Variants in DYNC1H1 observed in about 807,000 individuals in gnomAD.
DYNC1H1 encodes cytoplasmic dynein 1 heavy chain 1.
DYNC1H1 carries 51 observed loss-of-function variants against 527.1 expected under a neutral mutation model. That is an observed-to-expected ratio of 0.10 (90% CI 0.08 to 0.12). DYNC1H1 has a LOEUF of 0.12. Ranked by LOEUF, DYNC1H1 falls within the 10% of genes least tolerant of loss-of-function variation. The pLI, the probability that DYNC1H1 is intolerant of heterozygous loss-of-function variation, is 1.00. For synonymous variants in DYNC1H1, 2,189 were observed against 2,278.8 expected, an observed-to-expected ratio of 0.96 and a Z score of 1.12; for missense variants, 2,771 against 5,971.8, an observed-to-expected ratio of 0.46 and a Z score of 17.66.
chr14:102,009,716 G>A (rs1231428988), intron 29 of DYNC1H1, 127 bp from the exon 30 acceptor site: 7 of 1,470,430 alleles, frequency 4.8e-6, no homozygotes, highest in East Asian at 2.4e-5. Flanking sequence ...AGCAGCCCCC[G>A]AGGAAGCGTC....
In DYNC1H1 at chr14:102,027,114, G is replaced by A; in HGVS notation, c.8772-60G>A. 1 of 1,550,314 alleles carries A rather than the reference G, an allele frequency of 6.5e-7. No homozygotes were observed. Among genetic ancestry groups the A allele is most frequent in the East Asian group, 2.2e-5 (1 of 44,564 alleles). ...AAAATACTGTAGACACTAGATATGAGTCAAAAGGGGAATGAGGCATTATAA... is the reference window on the plus strand; with the variant it reads ...AAAATACTGTAGACACTAGATATGAATCAAAAGGGGAATGAGGCATTATAA... On this transcript the variant is annotated intron_variant, in intron 44 of 77. Coordinates refer to ENST00000360184, the MANE Select transcript of DYNC1H1 (RefSeq NM_001376.5). This position sits in a 1 kb window ranked among gnomAD's most constrained non-coding sequence, Gnocchi z 7.7.
chr14:101,970,473 GTTTTTTTTTTTT>G (rs958653217), intron 1 of DYNC1H1, among the ~76,000 whole-genome samples: 1 of 81,436 alleles, frequency 1.2e-5, no homozygotes, highest in Non-Finnish European at 2.5e-5. Flanking sequence ...GTTTGTTGTT[GTTTTTTTTTTTT>G]TTTTTTTTTT....
Position 102,047,779 on chromosome 14 carries a change from T to TC in DYNC1H1, c.13007-35dup, listed in dbSNP as rs1171959379. On this transcript the variant is annotated intron_variant, in intron 72 of 77. Coordinates refer to ENST00000360184, the MANE Select transcript of DYNC1H1 (RefSeq NM_001376.5). ...CCTCTGTGATTTCTTGCCCGTCCCC[T>TC]CCCTCCTTCCTGCTGCGACTGTGGG... 4 of 1,610,890 alleles carry TC rather than the reference T, an allele frequency of 2.5e-6. No individual in the cohort carries two copies. In the South Asian group the frequency reaches 4.4e-5, roughly 18 times the overall value.
At position 102,027,583 on chromosome 14, in the gene DYNC1H1, G is replaced by T. The variant is rs118014540; in HGVS notation, c.9049-36G>T. 6.2e-7 allele frequency: 1 copy of T among 1,614,082 alleles called. No individual in the cohort carries two copies. Among genetic ancestry groups the T allele is most frequent in the Admixed American group, 1.7e-5 (1 of 60,000 alleles). Reference sequence around the variant, plus strand: ...GTGTTGCGTTGCATTACGTGTTACCGGGGGACCAGTAAGTCAGCACTGTGC... The same window carrying T: ...GTGTTGCGTTGCATTACGTGTTACCTGGGGACCAGTAAGTCAGCACTGTGC... On this transcript the variant is annotated intron_variant, in intron 46 of 77. Coordinates refer to ENST00000360184, the MANE Select transcript of DYNC1H1 (RefSeq NM_001376.5). This position sits in a 1 kb window ranked among gnomAD's most constrained non-coding sequence, Gnocchi z 7.7.
chr14:101,989,497 A>G (rs1241901233), intron 10 of DYNC1H1, among the ~76,000 whole-genome samples: 1 of 152,258 alleles, frequency 6.6e-6, no homozygotes, highest in African/African-American at 2.4e-5. Flanking sequence ...CTGTGTAAGT[A>G]GGCCCTATCT....
rs1221428451 is a variant in DYNC1H1, at chr14:102,028,606, T to C, written c.9468+465T>C. 1.7e-5 allele frequency: 4 copies of C among 233,750 alleles called. No homozygotes were observed. The South Asian group carries it at 1.8e-4, about 10-fold the overall frequency. The allele number at this position is 233,750 out of a possible 1,614,324, so 14.5% of individuals were successfully genotyped here. On this transcript the variant is annotated intron_variant, in intron 48 of 77. Transcript: ENST00000360184. The stretch of plus-strand genomic sequence containing the variant: ...ACTTGTTTCTTACCTCTTACCTCTT[T>C]AGTAACATCTCATTCTTGTCACTGG...
Position 102,041,403 on chromosome 14 carries a change from C to A in DYNC1H1, c.11942-171C>A. On this transcript the variant is annotated intron_variant, in intron 64 of 77. Coordinates refer to ENST00000360184, the MANE Select transcript of DYNC1H1 (RefSeq NM_001376.5). This position sits in a 1 kb window ranked among gnomAD's most constrained non-coding sequence, Gnocchi z 4.5. ...AGTAAGGTGTTCTCACAGGCGTGTCCAGAGGGCTCACGGAAGGCACAGCAG... is the reference window on the plus strand; with the variant it reads ...AGTAAGGTGTTCTCACAGGCGTGTCAAGAGGGCTCACGGAAGGCACAGCAG... 1 of 1,028,222 alleles carries A rather than the reference C, an allele frequency of 9.7e-7. No homozygotes were observed. Among genetic ancestry groups the A allele is most frequent in the South Asian group, 1.4e-5 (1 of 73,820 alleles). 63.7% of individuals were successfully genotyped at this position (1,028,222 alleles called of 1,614,324 possible).
rs1170582736 is a variant in DYNC1H1, at chr14:102,030,299, A to G, written c.9883+17A>G. ...CCCAGAATGGTATGTAAAGACTGTC[A>G]GAGCTTTGATGTCTAGGAAGGGTGG... On this transcript the variant is annotated intron_variant, in intron 51 of 77. Coordinates refer to ENST00000360184, the MANE Select transcript of DYNC1H1 (RefSeq NM_001376.5). 1.2e-6 allele frequency: 2 copies of G among 1,613,984 alleles called. No individual in the cohort carries two copies. The highest frequency in any genetic ancestry group is 4.5e-5 in the East Asian group (2 of 44,890).
Position 102,009,858 on chromosome 14 carries a change from C to G in DYNC1H1, c.5993C>G (p.Thr1998Ser). Reference protein sequence around the residue: ...PNYDKTSAPITCELLNKQVKV... With the variant: ...PNYDKTSAPISCELLNKQVKV... The stretch of plus-strand genomic sequence containing the variant: ...TCATTCTCAGCCTCTGCCCCCATTA[C>G]TTGTGAGCTGCTGAACAAACAAGTC... Residue 1998 changes from threonine (T) to serine (S), a missense_variant, in exon 30 of 78, where the codon ACT (threonine) becomes AGT (serine). Around this residue, in one of 32 missense-constraint regions of DYNC1H1, gnomAD observed 39 missense variants for 38.8 expected, o/e 1.00. Coordinates refer to ENST00000360184, the MANE Select transcript of DYNC1H1 (RefSeq NM_001376.5). The G allele has an allele frequency of 6.2e-7, 1 of 1,613,908 alleles. No homozygotes were observed. The highest frequency in any genetic ancestry group is 8.5e-7 in the Non-Finnish European group (1 of 1,179,972).
At position 102,004,819 on chromosome 14, in the gene DYNC1H1, A is replaced by T; in HGVS notation, c.5107A>T (p.Thr1703Ser). 1 of 1,614,250 alleles carries T rather than the reference A, an allele frequency of 6.2e-7. No individual in the cohort carries two copies. Residue 1703 changes from threonine to serine, a missense_variant, in exon 25 of 78, where the codon ACA becomes TCA. By Grantham distance (58) the Thr-to-Ser change is moderately conservative. Transcript: ENST00000360184. ...TEHPKINEWL[T>S]LVEKEMRVTL... ...ACATCCCAAAATCAATGAGTGGCTC[A>T]CATTGGTAGAAAAGGAGATGAGAGT...
chr14:102,008,321 C>T lies in DYNC1H1; in HGVS notation c.5961C>T (p.Asn1987=), dbSNP rs1338681517. The change falls in exon 29 of 78, where the codon AAC becomes AAT. Residue 1987 remains asparagine, a synonymous_variant. Transcript: ENST00000360184. ...AGGAAGCACTGCGTGAACATTCCAA[C>T]CCCAACTACGACAAGAGTAAGACAC... ...CIQEALREHS[N]PNYDKTSAPI... is the part of the protein sequence containing the mutation. The T allele has an allele frequency of 1.2e-6, 2 of 1,614,198 alleles. No homozygotes were observed. The highest frequency in any genetic ancestry group is 1.6e-4 in the Middle Eastern group (1 of 6,062).
chr14:102,002,920 A>G lies in DYNC1H1; in HGVS notation c.4838A>G (p.Lys1613Arg), dbSNP rs748439827. 6.2e-7 allele frequency: 1 copy of G among 1,614,196 alleles called. No homozygotes were observed. The highest frequency in any genetic ancestry group is 1.7e-5 in the Admixed American group (1 of 60,030). ...RLADLLGKIQ[K>R]ALGEYLERER... Reference sequence around the variant, plus strand: ...GCAGACCTGCTAGGAAAGATCCAGAAAGCATTGGGAGAATATCTGGAAAGA... The same window carrying G: ...GCAGACCTGCTAGGAAAGATCCAGAGAGCATTGGGAGAATATCTGGAAAGA... The change falls in exon 23 of 78, where the codon AAA becomes AGA. Residue 1613 changes from lysine to arginine, a missense_variant. Physicochemically the swap from Lys to Arg is conservative, Grantham distance 26 (BLOSUM62 2). Transcript: ENST00000360184. This position sits in a 1 kb window ranked among gnomAD's most constrained non-coding sequence, Gnocchi z 4.4.
intron 9 of DYNC1H1, 141 bp downstream of exon 9, chr14:101,987,773 T>A: frequency 1.9e-6 from 2 of 1,032,444 alleles, no homozygotes; most frequent in Non-Finnish European, 2.9e-6. Flanking sequence ...CTCATTTAAC[T>A]AGTGATAGAA....
chr14:102,012,144 T>C lies in DYNC1H1; in HGVS notation c.6857+31T>C, dbSNP rs1413526500. ...TCTTCTTTGATCTGTGTTTGTGTTC[T>C]CCTGGATATGGGCGCTAAGTACTTT... On this transcript the variant is annotated intron_variant, in intron 33 of 77. Transcript: ENST00000360184. This position sits in a 1 kb window ranked among gnomAD's most constrained non-coding sequence, Gnocchi z 4.9. 6.2e-7 allele frequency: 1 copy of C among 1,613,496 alleles called. No homozygotes were observed. Among genetic ancestry groups the C allele is most frequent in the Non-Finnish European group, 8.5e-7 (1 of 1,179,562 alleles).
chr14:102,008,444 A>T, intron 29 of DYNC1H1, 107 bp downstream of exon 29: 2 of 1,432,924 alleles, frequency 1.4e-6, no homozygotes, highest in South Asian at 1.2e-5. Context: ...TTTAGCTCAC[A>T]GGAGCTCACT....
chr14:102,056,312 A>G lies in DYNC1H1; in HGVS notation c.*5749A>G, dbSNP rs1209244636. Reference sequence around the variant, plus strand: ...TATCCCCCAGACTGCTCAATCAATCACGACCCTTTCACGTAAAATCTTTAG... The same window carrying G: ...TATCCCCCAGACTGCTCAATCAATCGCGACCCTTTCACGTAAAATCTTTAG... On this transcript the variant is annotated 3_prime_UTR_variant, in exon 78 of 78. Coordinates refer to ENST00000360184, the MANE Select transcript of DYNC1H1 (RefSeq NM_001376.5). 6.6e-6 allele frequency: 1 copy of G among 152,216 alleles called. No individual in the cohort carries two copies. The highest frequency in any genetic ancestry group is 2.4e-5 in the African/African-American group (1 of 41,444). The allele number at this position is 152,216 out of a possible 1,614,324, so 9.4% of individuals were successfully genotyped here.
rs1414585001 is a variant in DYNC1H1, at chr14:102,036,610, G to T, written c.10876G>T (p.Ala3626Ser). ...CGCCTTCAGAAAGAACTTAGAGAGT[G>T]CACTGAGATTCGGTAACCCCCTTCT... ...DDAFRKNLES[A>S]LRFGNPLLVQ... The change falls in exon 57 of 78, where the codon GCA (alanine) becomes TCA (serine). Residue 3626 changes from alanine to serine, a missense_variant. Physicochemically the swap from Ala to Ser is moderately conservative, Grantham distance 99 (BLOSUM62 1). Coordinates refer to ENST00000360184, the MANE Select transcript of DYNC1H1 (RefSeq NM_001376.5). The surrounding 1 kb of genome is among the most constrained non-coding windows in gnomAD (Gnocchi z 5.6). 6.2e-7 allele frequency: 1 copy of T among 1,614,152 alleles called. No homozygotes were observed. Among genetic ancestry groups the T allele is most frequent in the East Asian group, 2.2e-5 (1 of 44,880 alleles).
At chr14:102,007,869 A>C (rs973621232) in intron 28 of DYNC1H1, among the ~76,000 whole-genome samples, 6 of 152,218 alleles carry the variant, frequency 3.9e-5, no homozygotes, top group African/African-American at 1.4e-4. Flanking sequence ...AGCGGGGTTC[A>C]GTTCCCAGTG....
rs554497564 is a variant in DYNC1H1, at chr14:101,964,874, C to A, written c.183C>A (p.Ala61=). 5 of 1,598,214 alleles carry A rather than the reference C, an allele frequency of 3.1e-6. No individual in the cohort carries two copies. The African/African-American group carries it at 6.7e-5, about 21-fold the overall frequency. ...ALEAALEEKS[A]LEQMRKFLSD... is the part of the protein sequence containing the mutation. ...AGGCGGCGCTGGAGGAGAAGAGCGC[C>A]CTGGAGCAGATGCGCAAGTTCCTTT... The change falls in exon 1 of 78, where the codon GCC becomes GCA. Residue 61 remains alanine (A), a synonymous_variant. Coordinates refer to ENST00000360184, the MANE Select transcript of DYNC1H1 (RefSeq NM_001376.5). This position sits in a 1 kb window ranked among gnomAD's most constrained non-coding sequence, Gnocchi z 5.5.
Sources: gnomAD v4.1 joint callset for allele counts (sites outside exome capture counted in the v4.1 genomes callset) on GRCh38, gnomAD v4.1.1 for gene constraint, gnomAD v4.1.1 regional missense constraint, Gnocchi (gnomAD v3.1) non-coding constraint, MANE v1.5 for transcripts, NCBI Gene and HGNC (gene_info 2026-07-23, HGNC 2026-07-21) for gene names.